Variants in MRPL45 observed in about 807,000 individuals in gnomAD.
MRPL45 encodes the protein large ribosomal subunit protein mL45.
A neutral mutation model predicts 38.1 loss-of-function variants in MRPL45; 20 were observed. The ratio of observed to expected loss-of-function variants is 0.53; its 90% CI spans 0.37 to 0.76. The LOEUF (loss-of-function observed/expected upper bound fraction) is 0.76, where lower values mean the gene tolerates loss of function less well. Ranked by LOEUF, MRPL45 falls within the 30% of genes least tolerant of loss-of-function variation. The pLI is 0.00. For missense variants in MRPL45, 337 were observed against 395.6 expected (o/e 0.85, Z 1.26); for synonymous variants, 105 against 128.8 (o/e 0.82, Z 1.25).
intron 4 of MRPL45, among the ~76,000 whole-genome samples, chr17:38,310,654 C>T (rs1176206473): frequency 6.6e-6 from 1 of 152,024 alleles, no homozygotes; most frequent in Non-Finnish European, 1.5e-5. Context: ...GAGACAGGCT[C>T]TTGCGCTGTC....
intron 4 of MRPL45, among the ~76,000 whole-genome samples, chr17:38,313,312 AT>A (rs1458907001): frequency 0.73 from 21,996 of 30,268 alleles, 7,559 homozygotes; most frequent in Non-Finnish European, 0.77. Flanking sequence ...AAAAAAAAAA[AT>A]ATATATATAT....
intron 4 of MRPL45, among the ~76,000 whole-genome samples, chr17:38,313,073 C>T (rs2037128893): frequency 6.8e-6 from 1 of 148,050 alleles, no homozygotes; most frequent in Non-Finnish European, 1.5e-5. Flanking sequence ...CAAGCTCCGC[C>T]TGCCGGGTTC....
chr17:38,301,543 C>G (rs567846317), intron 3 of MRPL45, among the ~76,000 whole-genome samples: 1 of 152,150 alleles, frequency 6.6e-6, no homozygotes, highest in African/African-American at 2.4e-5. Context: ...GCTGGGCTAT[C>G]ATGTTTGTTT....
rs145034091 is a variant in MRPL45, at chr17:38,318,642, A to G, written c.462-45A>G. The G allele has an allele frequency of 5.4e-5, 75 of 1,383,294 alleles. 2 individuals are homozygous for G. The Middle Eastern group carries it at 1.8e-3, about 33-fold the overall frequency. The allele number at this position is 1,383,294 out of a possible 1,614,324, so 85.7% of individuals were successfully genotyped here. A position where few individuals can be genotyped will look rare whatever the true frequency, so the allele number is the denominator to read the frequency against. ...ACCATTTTCAGTCTTCATACAGGGT[A>G]TTATAAGAGCAATAGTCAATGATAT... On this transcript the variant is annotated intron_variant, in intron 4 of 7. Coordinates refer to ENST00000613675, the MANE Select transcript of MRPL45 (RefSeq NM_032351.6).
chr17:38,313,317 T>A (rs1267017598), intron 4 of MRPL45, among the ~76,000 whole-genome samples: 20,241 of 35,002 alleles, frequency 0.58, 6,748 homozygotes, highest in Non-Finnish European at 0.65. Flanking sequence ...AAAAAATATA[T>A]ATATATATAT....
chr17:38,301,688 A>G (rs1053893300), intron 3 of MRPL45, among the ~76,000 whole-genome samples: 28 of 152,338 alleles, frequency 1.8e-4, no homozygotes, highest in African/African-American at 6.5e-4. Context: ...AGCAGGGTCC[A>G]TGGTGATGAT....
chr17:38,312,688 T>A (rs753929824), intron 4 of MRPL45, among the ~76,000 whole-genome samples: 1 of 152,010 alleles, frequency 6.6e-6, no homozygotes, highest in Non-Finnish European at 1.5e-5. Context: ...ATAAAAAATT[T>A]AAAAAATCAT....
chr17:38,297,180 C>G lies in MRPL45; in HGVS notation c.-4C>G, dbSNP rs2036942887. ...CCCTTCCCGGCGGCCTTTGCGGGAACAAGATGGCAGCCCCCATACCTCAAG... is the reference window on the plus strand; with the variant it reads ...CCCTTCCCGGCGGCCTTTGCGGGAAGAAGATGGCAGCCCCCATACCTCAAG... On this transcript the variant is annotated 5_prime_UTR_variant, in exon 1 of 8. Coordinates refer to ENST00000613675, the MANE Select transcript of MRPL45 (RefSeq NM_032351.6). 1.2e-6 allele frequency: 2 copies of G among 1,614,184 alleles called. No homozygotes were observed. The highest frequency in any genetic ancestry group is 1.7e-6 in the Non-Finnish European group (2 of 1,180,028).
rs533959597 is a variant in MRPL45, at chr17:38,317,690, G to A, written c.462-997G>A. Among the ~76,000 whole-genome samples, 143 of 152,060 alleles carry A rather than the reference G, an allele frequency of 9.4e-4. 1 individual carries two copies. Among genetic ancestry groups the A allele is most frequent in the African/African-American group, 3.3e-3 (135 of 41,482 alleles). On this transcript the variant is annotated intron_variant, in intron 4 of 7. Transcript: ENST00000613675. ...GGGTTCATGCCATTCTCCTGCCTTA[G>A]CCTCCTGAGTAGCTGGGACTACAGG...
At chr17:38,311,804 A>G (rs1455966084) in intron 4 of MRPL45, among the ~76,000 whole-genome samples, 1 of 151,976 alleles carries the variant, frequency 6.6e-6, no homozygotes, top group Non-Finnish European at 1.5e-5. Context: ...CAAATTTGCC[A>G]GTGTCTTGAT....
chr17:38,313,731 C>T (rs2037148285), intron 4 of MRPL45, among the ~76,000 whole-genome samples: 2 of 150,834 alleles, frequency 1.3e-5, no homozygotes, highest in Admixed American at 6.6e-5. Flanking sequence ...GGCACGATCT[C>T]GGCTCATAGC....
chr17:38,314,194 T>C (rs1163325794), intron 4 of MRPL45, among the ~76,000 whole-genome samples: 1 of 152,054 alleles, frequency 6.6e-6, no homozygotes, highest in Non-Finnish European at 1.5e-5. Flanking sequence ...AACCTCTGCC[T>C]CCTGGGTTCA....
At chr17:38,309,170 G>A (rs1380503986) in intron 4 of MRPL45, among the ~76,000 whole-genome samples, 4 of 150,962 alleles carry the variant, frequency 2.6e-5, no homozygotes, top group Non-Finnish European at 5.9e-5. Context: ...CTCCCAAAGT[G>A]CTGGGATTAC....
At chr17:38,319,635 A>T (rs902228718) in intron 5 of MRPL45, among the ~76,000 whole-genome samples, 1 of 152,190 alleles carries the variant, frequency 6.6e-6, no homozygotes, top group South Asian at 2.1e-4. Context: ...CTGCAGGAGC[A>T]TAGGTCCTGA....
intron 5 of MRPL45, among the ~76,000 whole-genome samples, chr17:38,320,007 G>A (rs1209432882): frequency 6.6e-6 from 1 of 152,206 alleles, no homozygotes; most frequent in Non-Finnish European, 1.5e-5. Flanking sequence ...GGAAGCTGAG[G>A]CAAGAGAATG....
intron 3 of MRPL45, among the ~76,000 whole-genome samples, chr17:38,303,114 T>C (rs1371703745): frequency 6.6e-6 from 1 of 152,078 alleles, no homozygotes; most frequent in Admixed American, 6.6e-5. Context: ...TCAAATTCTC[T>C]ATATTGTTAT....
intron 4 of MRPL45, among the ~76,000 whole-genome samples, chr17:38,315,836 G>A (rs1166942437): frequency 6.6e-6 from 1 of 150,848 alleles, no homozygotes; most frequent in African/African-American, 2.4e-5. Context: ...GCAGTGGCCC[G>A]ATCTCGGCTC....
rs187176321 is a variant in MRPL45, at chr17:38,300,756, G to A, written c.362+1288G>A. On this transcript the variant is annotated intron_variant, in intron 3 of 7. Transcript: ENST00000613675. ...GAGGTCAGGAATCGAAAACCAGCCCGACCAACATGGAGAAACCTCATCTCT... is the reference window on the plus strand; with the variant it reads ...GAGGTCAGGAATCGAAAACCAGCCCAACCAACATGGAGAAACCTCATCTCT... 5.3e-3 allele frequency among the ~76,000 whole-genome samples: 804 copies of A among 152,148 alleles called. 6 individuals are homozygous for A. Among genetic ancestry groups the A allele is most frequent in the African/African-American group, 0.018 (768 of 41,514 alleles).
intron 3 of MRPL45, among the ~76,000 whole-genome samples, chr17:38,305,250 C>T (rs1221560721): frequency 3.0e-4 from 38 of 124,708 alleles, no homozygotes; most frequent in Non-Finnish European, 4.8e-4. Flanking sequence ...AGGCAGATCA[C>T]AAGGACAGGA....
Sources: allele counts gnomAD v4.1 joint callset (sites outside exome capture counted in the v4.1 genomes callset), GRCh38; gene constraint gnomAD v4.1.1; transcripts MANE v1.5; gene names NCBI Gene and HGNC (gene_info 2026-07-23, HGNC 2026-07-21).